Variants in NUMB observed in about 807,000 individuals in gnomAD.
NUMB encodes the protein NUMB endocytic adaptor protein.
A neutral mutation model predicts 59.7 loss-of-function variants in NUMB; 29 were observed. That is an observed-to-expected ratio of 0.49 (90% confidence interval 0.36 to 0.66). The LOEUF is 0.66. Ranked by LOEUF, NUMB falls within the 30% of genes least tolerant of loss-of-function variation. The pLI, the probability that NUMB is intolerant of heterozygous loss-of-function variation, is 0.00. For missense variants in NUMB, 723 were observed against 822.0 expected, an observed-to-expected ratio of 0.88 and a Z score of 1.47; for synonymous variants, 288 against 288.2, an observed-to-expected ratio of 1.00 and a Z score of 0.01.
At chr14:73,387,764 A>AAAC (rs1895625838) in intron 2 of NUMB, among the ~76,000 whole-genome samples, 2 of 149,858 alleles carry the variant, frequency 1.3e-5, no homozygotes, top group African/African-American at 2.5e-5. Context: ...AACAAACAAA[A>AAAC]AAAAAACCAA....
intron 3 of NUMB, among the ~76,000 whole-genome samples, chr14:73,356,597 C>A (rs186283995): frequency 1.3e-5 from 2 of 152,246 alleles, no homozygotes; most frequent in Non-Finnish European, 1.5e-5. Context: ...GAGCCAAGAT[C>A]ACACAGCCTG....
At chr14:73,329,040 G>A (rs1891812952) in intron 4 of NUMB, among the ~76,000 whole-genome samples, 1 of 152,008 alleles carries the variant, frequency 6.6e-6, no homozygotes, top group Non-Finnish European at 1.5e-5. Flanking sequence ...GGCTAATTTT[G>A]TATTTTTAAT....
At chr14:73,309,390 C>T (rs560179259) in intron 6 of NUMB, among the ~76,000 whole-genome samples, 33 of 152,098 alleles carry the variant, frequency 2.2e-4, no homozygotes, top group African/African-American at 7.2e-4. Context: ...ACTATGCAGC[C>T]GTAAAAAAGA....
At chr14:73,425,298 G>A (rs894559740) in intron 1 of NUMB, among the ~76,000 whole-genome samples, 28 of 152,198 alleles carry the variant, frequency 1.8e-4, no homozygotes, top group Middle Eastern at 3.4e-3. Context: ...GAAAAAAATT[G>A]CAGTTCATCA....
chr14:73,444,402 A>T (rs1883313182), intron 1 of NUMB, among the ~76,000 whole-genome samples: 1 of 151,224 alleles, frequency 6.6e-6, no homozygotes, highest in Admixed American at 6.6e-5. Flanking sequence ...CCATCTCAAA[A>T]AAAAAAAAAA....
intron 4 of NUMB, among the ~76,000 whole-genome samples, chr14:73,349,168 C>T (rs1425108196): frequency 6.6e-6 from 1 of 152,240 alleles, no homozygotes; most frequent in Admixed American, 6.5e-5. Flanking sequence ...GAACCAGGCA[C>T]TCTGGCTCAT....
intron 2 of NUMB, among the ~76,000 whole-genome samples, chr14:73,370,490 G>A (rs1456080356): frequency 3.9e-5 from 6 of 152,074 alleles, no homozygotes; most frequent in South Asian, 2.1e-4. Flanking sequence ...TCGGGAGTTC[G>A]AGACCAGCCT....
At chr14:73,410,550 G>A (rs1231096447) in intron 1 of NUMB, among the ~76,000 whole-genome samples, 2 of 152,154 alleles carry the variant, frequency 1.3e-5, no homozygotes, top group Non-Finnish European at 2.9e-5. Flanking sequence ...GAACAGATGC[G>A]AGCCATGACT....
intron 4 of NUMB, among the ~76,000 whole-genome samples, chr14:73,349,355 A>C (rs981100610): frequency 2.0e-5 from 3 of 152,162 alleles, no homozygotes; most frequent in Non-Finnish European, 4.4e-5. Flanking sequence ...TGGGAGGCCA[A>C]GGTGGGCGGA....
At chr14:73,316,560 TC>T in intron 5 of NUMB, 138 bp from the exon 6 acceptor site, 1 of 732,492 alleles carries the variant, frequency 1.4e-6, no homozygotes, top group Non-Finnish European at 2.4e-6. Flanking sequence ...CAAAGAGTTA[TC>T]CACACCAGGA....
At chr14:73,336,944 C>G (rs1216172206) in intron 4 of NUMB, among the ~76,000 whole-genome samples, 1 of 152,084 alleles carries the variant, frequency 6.6e-6, no homozygotes, top group Non-Finnish European at 1.5e-5. Context: ...AAATCATAAT[C>G]ATCTCGGCTA....
chr14:73,282,777 T>C (rs1349599728), intron 10 of NUMB, among the ~76,000 whole-genome samples: 1 of 152,234 alleles, frequency 6.6e-6, no homozygotes, highest in Non-Finnish European at 1.5e-5. Flanking sequence ...TCATTTCTTC[T>C]TCTTATAACA....
intron 2 of NUMB, among the ~76,000 whole-genome samples, chr14:73,379,154 T>C (rs1895109849): frequency 6.6e-6 from 1 of 152,160 alleles, no homozygotes; most frequent in Admixed American, 6.5e-5. Flanking sequence ...CCCAATTAAC[T>C]CAACTACCTG....
intron 1 of NUMB, among the ~76,000 whole-genome samples, chr14:73,448,216 A>G (rs1883674654): frequency 6.6e-6 from 1 of 152,202 alleles, no homozygotes. Context: ...ATTTTCAAAA[A>G]CAAGAATGAA....
chr14:73,339,842 T>G (rs1300920960), intron 4 of NUMB, among the ~76,000 whole-genome samples: 1 of 152,176 alleles, frequency 6.6e-6, no homozygotes, highest in Non-Finnish European at 1.5e-5. Context: ...GAGGTTAGTT[T>G]GGTAGAAACT....
At chr14:73,342,986 C>G (rs1892718304) in intron 4 of NUMB, among the ~76,000 whole-genome samples, 1 of 149,078 alleles carries the variant, frequency 6.7e-6, no homozygotes, top group East Asian at 1.9e-4. Flanking sequence ...GCCACCATGT[C>G]TGGCTAATTT....
At chr14:73,363,815 G>C (rs933751294) in intron 3 of NUMB, among the ~76,000 whole-genome samples, 2 of 152,076 alleles carry the variant, frequency 1.3e-5, no homozygotes, top group Non-Finnish European at 1.5e-5. Context: ...CAGCCATGAT[G>C]GTGCACCCCT....
chr14:73,339,416 C>G (rs1342181619), intron 4 of NUMB, among the ~76,000 whole-genome samples: 1 of 152,182 alleles, frequency 6.6e-6, no homozygotes, highest in African/African-American at 2.4e-5. Context: ...TGCCCCAGAG[C>G]CTTTGTACTT....
At chr14:73,313,746 T>C (rs1232021780) in intron 6 of NUMB, among the ~76,000 whole-genome samples, 4 of 148,818 alleles carry the variant, frequency 2.7e-5, no homozygotes, top group African/African-American at 7.4e-5. Context: ...CAACATGCAG[T>C]AGGACTTAAA....
Sources: gnomAD v4.1 joint callset for allele counts (sites outside exome capture counted in the v4.1 genomes callset) on GRCh38, gnomAD v4.1.1 for gene constraint, MANE v1.5 for transcripts, NCBI Gene and HGNC (gene_info 2026-07-23, HGNC 2026-07-21) for gene names.